TMX3: variants seen among roughly 807,000 people sequenced by gnomAD.
TMX3 encodes thioredoxin related transmembrane protein 3, also known as protein disulfide-isomerase TMX3.
Under a neutral mutation model 64.4 loss-of-function variants are expected in TMX3, and 40 were observed. That is an observed-to-expected ratio of 0.62 (90% CI 0.48 to 0.81). TMX3 has a LOEUF of 0.81. Among genes scored for constraint, TMX3 ranks in the 30% least tolerant of loss-of-function variants. The probability of loss-of-function intolerance (pLI) is 0.00; values close to 1 mark genes in which losing one functional copy is unlikely to be tolerated. For missense variants in TMX3, 497 were observed against 534.5 expected (o/e 0.93, Z 0.69); for synonymous variants, 189 against 175.7 (o/e 1.08, Z -0.60).
At chr18:68,709,021 AT>A (rs1162949989) in intron 4 of TMX3, among the ~76,000 whole-genome samples, 1 of 152,176 alleles carries the variant, frequency 6.6e-6, no homozygotes, top group East Asian at 1.9e-4. Context: ...CGAAATATAC[AT>A]TACGTACTTC....
chr18:68,695,060 T>G (rs1204158772), intron 8 of TMX3, among the ~76,000 whole-genome samples: 4 of 151,654 alleles, frequency 2.6e-5, no homozygotes, highest in Admixed American at 1.3e-4. Context: ...ATTCAAAGTT[T>G]CCTAAAGAGA....
intron 11 of TMX3, 70 bp downstream of exon 11, chr18:68,684,358 T>A: frequency 6.6e-7 from 1 of 1,515,528 alleles, no homozygotes; most frequent in Non-Finnish European, 9.1e-7. Context: ...AGATACCATA[T>A]CAAGTCTATC....
chr18:68,698,355 C>A (rs1418743096), intron 6 of TMX3, among the ~76,000 whole-genome samples: 1 of 152,110 alleles, frequency 6.6e-6, no homozygotes, highest in Non-Finnish European at 1.5e-5. Context: ...AATCCTCAGC[C>A]TAAAACAAGA....
At chr18:68,708,436 G>C (rs1320424537) in intron 4 of TMX3, among the ~76,000 whole-genome samples, 1 of 151,766 alleles carries the variant, frequency 6.6e-6, no homozygotes, top group African/African-American at 2.4e-5. Context: ...CAGCAACTAT[G>C]CTAGGAATCT....
chr18:68,681,068 G>A lies in TMX3; in HGVS notation c.948C>T (p.Asn316=). Residue 316 remains asparagine (N), a synonymous_variant, in exon 14 of 16, where the codon AAC becomes AAT. Coordinates refer to ENST00000299608, the MANE Select transcript of TMX3 (RefSeq NM_019022.5). ...VPTVVVLNTS[N]QQYFLLDRQI... ...GTCTATCTAGCAAGAAATATTGCTG[G>A]TTTGAAGTATTCAGTACAACTACAG... The A allele has an allele frequency of 6.2e-7, 1 of 1,601,378 alleles. No individual in the cohort carries two copies. The highest frequency in any genetic ancestry group is 1.1e-5 in the South Asian group (1 of 87,822).
rs1912757001 is a variant in TMX3, at chr18:68,674,332, C to T, written c.*2601G>A. The T allele has an allele frequency of 6.6e-6, 1 of 152,066 alleles. No individual in the cohort carries two copies. The highest frequency in any genetic ancestry group is 6.6e-5 in the Admixed American group (1 of 15,264). The allele number at this position is 152,066 out of a possible 1,614,324, so 9.4% of individuals were successfully genotyped here. On this transcript the variant is annotated 3_prime_UTR_variant, in exon 16 of 16. Coordinates refer to ENST00000299608, the MANE Select transcript of TMX3 (RefSeq NM_019022.5). ...CAGATATAATGTGGTGCACAGGGTA[C>T]TCGATAAAAACATGCACTTTGTCTC...
intron 10 of TMX3, chr18:68,686,715 A>T (rs1913997304): frequency 1.0e-6 from 1 of 985,148 alleles, no homozygotes; most frequent in Non-Finnish European, 1.2e-6. Flanking sequence ...CAAAAAAAAA[A>T]AAATCAGAAA....
chr18:68,712,571 C>T (rs569055982), intron 2 of TMX3, among the ~76,000 whole-genome samples: 17 of 152,106 alleles, frequency 1.1e-4, no homozygotes, highest in Admixed American at 5.2e-4. Context: ...CCTTTTTCAG[C>T]ATAGGGACCT....
rs1172913361 is a variant in TMX3, at chr18:68,713,831, T to C, written c.101+15A>G. On this transcript the variant is annotated intron_variant, in intron 2 of 15. Transcript: ENST00000299608. ...CAGTTAAAATAATATTTTAAATATA[T>C]ATATGTATACTCACGATTCATCTAA... The C allele has an allele frequency of 3.1e-6, 4 of 1,294,860 alleles. No homozygotes were observed. In the East Asian group the frequency reaches 7.5e-5, roughly 24 times the overall value. 80.2% of individuals were successfully genotyped at this position (1,294,860 alleles called of 1,614,324 possible). A position where few individuals can be genotyped will look rare whatever the true frequency, so the allele number is the denominator to read the frequency against.
intron 10 of TMX3, chr18:68,687,277 C>T: frequency 1.0e-6 from 1 of 985,404 alleles, no homozygotes; most frequent in Non-Finnish European, 1.2e-6. Context: ...GAAACCATGC[C>T]AATTTAACTT....
chr18:68,687,440 C>G, intron 10 of TMX3: 1 of 985,320 alleles, frequency 1.0e-6, no homozygotes, highest in Non-Finnish European at 1.2e-6. Context: ...TTTTCCTTAT[C>G]ACCATCAGTT....
intron 6 of TMX3, 106 bp from the exon 7 acceptor site, chr18:68,698,137 T>C: frequency 1.4e-6 from 1 of 705,170 alleles, no homozygotes; most frequent in Non-Finnish European, 2.3e-6. Flanking sequence ...GTTTCAATAA[T>C]ATATCAACTG....
chr18:68,684,271 T>C (rs753257245), intron 11 of TMX3, 28 bp from the exon 12 acceptor site: 1 of 1,585,166 alleles, frequency 6.3e-7, no homozygotes, highest in Non-Finnish European at 8.6e-7. Flanking sequence ...TATGAATAGT[T>C]CATCTCTGCA....
chr18:68,691,279 A>C lies in TMX3; in HGVS notation c.637+16T>G. On this transcript the variant is annotated intron_variant, in intron 9 of 15. Coordinates refer to ENST00000299608, the MANE Select transcript of TMX3 (RefSeq NM_019022.5). Reference sequence around the variant, plus strand: ...ATTTTAAAATGTTTTACATGAGTTAAAGATTTGGAACTTACCATCATAAAC... The same window carrying C: ...ATTTTAAAATGTTTTACATGAGTTACAGATTTGGAACTTACCATCATAAAC... The C allele has an allele frequency of 7.7e-7, 1 of 1,301,294 alleles. No individual in the cohort carries two copies. Among genetic ancestry groups the C allele is most frequent in the Non-Finnish European group, 1.1e-6 (1 of 952,042 alleles). 80.6% of individuals were successfully genotyped at this position (1,301,294 alleles called of 1,614,324 possible).
Position 68,697,744 on chromosome 18 carries a change from T to C in TMX3, c.492+188A>G, listed in dbSNP as rs558139884. On this transcript the variant is annotated intron_variant, in intron 7 of 15. Transcript: ENST00000299608. ...CATTTACTCACTTTTTACACACTTCTGTTTCATATAGGAAAACATGACAGA... is the reference window on the plus strand; with the variant it reads ...CATTTACTCACTTTTTACACACTTCCGTTTCATATAGGAAAACATGACAGA... 9.1e-5 allele frequency: 48 copies of C among 527,348 alleles called. No homozygotes were observed. The African/African-American group carries it at 9.2e-4, about 10-fold the overall frequency. 32.7% of individuals were successfully genotyped at this position (527,348 alleles called of 1,614,324 possible).
chr18:68,702,771 ATCT>A (rs979663757), intron 4 of TMX3, among the ~76,000 whole-genome samples: 1 of 152,174 alleles, frequency 6.6e-6, no homozygotes, highest in African/African-American at 2.4e-5. Context: ...CACTTTAGTA[ATCT>A]TCACTAATCT....
In TMX3 at chr18:68,676,851, GATC is replaced by G. The variant is rs1456397550; in HGVS notation, c.*79_*81del. The G allele has an allele frequency of 4.0e-6, 6 of 1,499,238 alleles. No homozygotes were observed. The highest frequency in any genetic ancestry group is 4.5e-6 in the Non-Finnish European group (5 of 1,117,736). The allele number at this position is 1,499,238 out of a possible 1,614,324, so 92.9% of individuals were successfully genotyped here. On this transcript the variant is annotated 3_prime_UTR_variant, in exon 16 of 16. Transcript: ENST00000299608. ...CGAATAACATGTTCTTTTCTGTAAA[GATC>G]ATGATTAAATGTCTAAATTCAATAA... is the stretch of plus-strand genomic sequence containing the variant.
intron 15 of TMX3, among the ~76,000 whole-genome samples, chr18:68,677,798 G>A (rs1382576959): frequency 2.0e-5 from 3 of 152,074 alleles, no homozygotes; most frequent in Non-Finnish European, 4.4e-5. Context: ...ACATAGAGAA[G>A]TTCAGAGAAG....
intron 8 of TMX3, among the ~76,000 whole-genome samples, chr18:68,693,187 T>C (rs895851590): frequency 6.6e-6 from 1 of 152,196 alleles, no homozygotes; most frequent in African/African-American, 2.4e-5. Context: ...TTTCTCATCT[T>C]ACTCATGGCA....
Sources: gnomAD v4.1 joint callset for allele counts (sites outside exome capture counted in the v4.1 genomes callset) on GRCh38, gnomAD v4.1.1 for gene constraint, MANE v1.5 for transcripts, NCBI Gene and HGNC (gene_info 2026-07-23, HGNC 2026-07-21) for gene names.